Variants in TTK observed in about 807,000 individuals in gnomAD.
TTK encodes the protein dual specificity protein kinase TTK.
Under a neutral mutation model 117.3 loss-of-function variants are expected in TTK, and 59 were observed. The ratio of observed to expected loss-of-function variants is 0.50; its 90% CI spans 0.41 to 0.62. The LOEUF (loss-of-function observed/expected upper bound fraction) is 0.62, where lower values mean the gene tolerates loss of function less well. TTK is among the 20% of genes least tolerant of loss of function. The pLI, the probability that TTK is intolerant of heterozygous loss-of-function variation, is 0.00. For missense variants in TTK, 921 were observed against 989.4 expected (o/e 0.93, Z 0.93); for synonymous variants, 302 against 325.0 (o/e 0.93, Z 0.76).
At chr6:80,008,529 G>A in intron 4 of TTK, 37 bp downstream of exon 4, 2 of 1,547,238 alleles carry the variant, frequency 1.3e-6, no homozygotes, top group South Asian at 1.2e-5. Flanking sequence ...TTTAAGTAAA[G>A]GATAACTTAT....
chr6:80,032,463 C>G (rs1277796787), intron 14 of TTK, among the ~76,000 whole-genome samples: 1 of 152,168 alleles, frequency 6.6e-6, no homozygotes, highest in Non-Finnish European at 1.5e-5. Context: ...TGTATGCTGA[C>G]AATTCCCAAA....
chr6:80,008,211 A>G (rs1767047366), intron 3 of TTK, among the ~76,000 whole-genome samples, 175 bp from the exon 4 acceptor site: 1 of 152,162 alleles, frequency 6.6e-6, no homozygotes. Flanking sequence ...TTTCCACAAC[A>G]GTTTACTTAT....
At chr6:80,025,420 T>C (rs1322413906) in intron 11 of TTK, among the ~76,000 whole-genome samples, 2 of 152,204 alleles carry the variant, frequency 1.3e-5, no homozygotes, top group East Asian at 1.9e-4. Context: ...GTTGAAATTA[T>C]AATAGATAAA....
chr6:80,036,479 T>C lies in TTK; in HGVS notation c.1929T>C (p.Ile643=), dbSNP rs140565206. Residue 643 remains isoleucine, a synonymous_variant, in exon 17 of 22, where the codon ATT becomes ATC. Coordinates refer to ENST00000369798, the MANE Select transcript of TTK (RefSeq NM_003318.5). ...CAGTGGATTTTTATTTTAAAGGCAT[T>C]GTTCACAGTGATCTTAAACCAGCTA... ...EAVHTIHQHG[I]VHSDLKPANF... is the part of the protein sequence containing the mutation. 2.8e-5 allele frequency: 45 copies of C among 1,599,382 alleles called. No individual in the cohort carries two copies. In the African/African-American group the frequency reaches 4.9e-4, roughly 17 times the overall value.
Position 80,027,995 on chromosome 6 carries a change from C to T in TTK, c.1505C>T (p.Pro502Leu). Residue 502 changes from proline to leucine, a missense_variant, in exon 13 of 22, where the codon CCA (proline) becomes CTA (leucine). Transcript: ENST00000369798. ...QQQQHQILAT[P>L]LQNLQVLASS... The stretch of plus-strand genomic sequence containing the variant: ...CAACAGCATCAAATACTTGCCACTC[C>T]ACTTCAAAATTTACAGGTTCGATAA... 6.2e-7 allele frequency: 1 copy of T among 1,602,260 alleles called. No individual in the cohort carries two copies. Among genetic ancestry groups the T allele is most frequent in the African/African-American group, 1.3e-5 (1 of 74,488 alleles).
At chr6:80,030,876 A>C (rs1767740305) in intron 13 of TTK, among the ~76,000 whole-genome samples, 1 of 151,982 alleles carries the variant, frequency 6.6e-6, no homozygotes, top group African/African-American at 2.4e-5. Flanking sequence ...TATAACGCTA[A>C]ATGAGAAAGA....
intron 8 of TTK, 30 bp from the exon 9 acceptor site, chr6:80,013,249 G>A (rs751684822): frequency 1.9e-6 from 3 of 1,543,890 alleles, no homozygotes; most frequent in Admixed American, 2.1e-5. Context: ...CAAATTTAAT[G>A]TTAAAATTAT....
At position 80,028,058 on chromosome 6, in the gene TTK, T is replaced by A. The variant is rs777585681; in HGVS notation, c.1521+47T>A. On this transcript the variant is annotated intron_variant, in intron 13 of 21. Coordinates refer to ENST00000369798, the MANE Select transcript of TTK (RefSeq NM_003318.5). ...ATGGTATATGTTAAGATACAGTCCG[T>A]TTTACAGCTTTTATTTTTATAGCAT... 3 of 1,476,760 alleles carry A rather than the reference T, an allele frequency of 2.0e-6. No individual in the cohort carries two copies. The South Asian group carries it at 4.5e-5, about 22-fold the overall frequency. 91.5% of individuals were successfully genotyped at this position (1,476,760 alleles called of 1,614,324 possible).
In TTK at chr6:80,008,042, G is replaced by A; in HGVS notation, c.362+11G>A. On this transcript the variant is annotated intron_variant, in intron 3 of 21. Coordinates refer to ENST00000369798, the MANE Select transcript of TTK (RefSeq NM_003318.5). ...TGCTGAATTAAAAGCGTAAGTATTA[G>A]CATTTTAACTATGTTCAACTATGTT... is the stretch of plus-strand genomic sequence containing the variant. The A allele has an allele frequency of 6.2e-7, 1 of 1,611,484 alleles. No homozygotes were observed. Among genetic ancestry groups the A allele is most frequent in the Non-Finnish European group, 8.5e-7 (1 of 1,178,732 alleles).
At chr6:80,035,954 TCTC>T (rs1767896642) in intron 16 of TTK, among the ~76,000 whole-genome samples, 2 of 152,128 alleles carry the variant, frequency 1.3e-5, no homozygotes, top group South Asian at 4.1e-4. Context: ...TTGTAATTTA[TCTC>T]CTCCTCATCT....
chr6:80,012,064 A>G (rs1443996870), intron 8 of TTK, 84 bp downstream of exon 8: 3 of 1,023,682 alleles, frequency 2.9e-6, no homozygotes, highest in African/African-American at 3.3e-5. Context: ...TTACTGAGTA[A>G]TAGTAATTAT....
At chr6:80,010,716 T>C in intron 4 of TTK, 98 bp from the exon 5 acceptor site, 1 of 1,265,374 alleles carries the variant, frequency 7.9e-7, no homozygotes, top group South Asian at 1.8e-5. Context: ...TAAGTCTTTT[T>C]GATTTTTTTT....
chr6:80,011,083 G>A, intron 5 of TTK, 126 bp downstream of exon 5: 1 of 1,207,014 alleles, frequency 8.3e-7, no homozygotes, highest in Non-Finnish European at 1.1e-6. Context: ...AATTGTAAAG[G>A]AGGTAAGACT....
Position 80,031,546 on chromosome 6 carries a change from G to A in TTK, c.1601G>A (p.Gly534Glu), listed in dbSNP as rs1429245362. The A allele has an allele frequency of 1.3e-5, 20 of 1,521,594 alleles. No individual in the cohort carries two copies. Among genetic ancestry groups the A allele is most frequent in the Non-Finnish European group, 1.8e-5 (20 of 1,141,026 alleles). The allele number at this position is 1,521,594 out of a possible 1,614,324, so 94.3% of individuals were successfully genotyped here. A position where few individuals can be genotyped will look rare whatever the true frequency, so the allele number is the denominator to read the frequency against. The change falls in exon 14 of 22, where the codon GGA becomes GAA. Residue 534 changes from glycine (G) to glutamate (E), a missense_variant. By Grantham distance (98) the Gly-to-Glu change is moderately conservative. Transcript: ENST00000369798. ...IYSILKQIGSGGSSKVFQVLN... is the reference protein window; with the variant it reads ...IYSILKQIGSEGSSKVFQVLN... ...TCCATATTAAAGCAGATAGGAAGTGGAGGTTCAAGCAAGGTAAGTATCTTA... is the reference window on the plus strand; with the variant it reads ...TCCATATTAAAGCAGATAGGAAGTGAAGGTTCAAGCAAGGTAAGTATCTTA...
chr6:80,014,491 C>A lies in TTK; in HGVS notation c.1013C>A (p.Pro338His). 6.2e-7 allele frequency: 1 copy of A among 1,608,414 alleles called. No homozygotes were observed. Among genetic ancestry groups the A allele is most frequent in the Non-Finnish European group, 8.5e-7 (1 of 1,177,328 alleles). Residue 338 changes from proline (P) to histidine (H), a missense_variant, in exon 10 of 22, where the codon CCT becomes CAT. Pro to His is a moderately conservative substitution (Grantham distance 77). Coordinates refer to ENST00000369798, the MANE Select transcript of TTK (RefSeq NM_003318.5). ...GTTCAAAATAGTCATTTCAAGGAAC[C>A]TCTGGTGTCAGATGAAAAGAGTTCT... is the stretch of plus-strand genomic sequence containing the variant. ...KSVQNSHFKEPLVSDEKSSEL... is the reference protein window; with the variant it reads ...KSVQNSHFKEHLVSDEKSSEL...
chr6:80,023,399 T>C (rs111400082), intron 11 of TTK, among the ~76,000 whole-genome samples: 5,677 of 152,146 alleles, frequency 0.037, 333 homozygotes, highest in African/African-American at 0.13. Flanking sequence ...CGAGACCATC[T>C]TGGCTAACAT....
At chr6:80,017,584 C>T (rs1468956678) in intron 10 of TTK, among the ~76,000 whole-genome samples, 3 of 152,134 alleles carry the variant, frequency 2.0e-5, no homozygotes, top group African/African-American at 4.8e-5. Context: ...AGGCCTAATG[C>T]TCTCTTAGTA....
intron 19 of TTK, 86 bp downstream of exon 19, chr6:80,039,958 GTTCTA>G: frequency 8.7e-7 from 1 of 1,145,074 alleles, no homozygotes; most frequent in Non-Finnish European, 1.2e-6. Context: ...AGATATAACT[GTTCTA>G]TTCAAAAGAA....
At chr6:80,041,996 C>A in intron 21 of TTK, 123 bp from the exon 22 acceptor site, 1 of 497,934 alleles carries the variant, frequency 2.0e-6, no homozygotes. Flanking sequence ...AAATAATTTC[C>A]CAACTGTAAG....
Sources: allele counts gnomAD v4.1 joint callset (sites outside exome capture counted in the v4.1 genomes callset), GRCh38; gene constraint gnomAD v4.1.1; transcripts MANE v1.5; gene names NCBI Gene and HGNC (gene_info 2026-07-23, HGNC 2026-07-21).